Variants in SDK1 observed in about 807,000 individuals in gnomAD.
SDK1 encodes sidekick cell adhesion molecule 1, also known as protein sidekick-1.
SDK1 carries 157 observed loss-of-function variants against 245.5 expected under a neutral mutation model. That is an observed-to-expected ratio of 0.64 (90% CI 0.56 to 0.73). The LOEUF (loss-of-function observed/expected upper bound fraction) is 0.73. Among genes scored for constraint, SDK1 ranks in the 30% least tolerant of loss-of-function variants. The pLI is 0.00. For synonymous variants in SDK1, 1,647 were observed against 1,278.5 expected, an observed-to-expected ratio of 1.29 and a Z score of -6.15; for missense variants, 3,583 against 3,002.3, an observed-to-expected ratio of 1.19 and a Z score of -4.52.
intron 1 of SDK1, among the ~76,000 whole-genome samples, chr7:3,350,978 C>T (rs1780645423): frequency 6.6e-6 from 1 of 152,092 alleles, no homozygotes; most frequent in Non-Finnish European, 1.5e-5. Context: ...CATCTGGTTG[C>T]CCCAAGAATC....
At chr7:4,002,168 T>C (rs1785121321) in intron 14 of SDK1, among the ~76,000 whole-genome samples, 2 of 152,260 alleles carry the variant, frequency 1.3e-5, no homozygotes. Context: ...GCTTCTCTCT[T>C]AGTGCCCAGA....
At chr7:4,122,460 C>T (rs775612744) in intron 25 of SDK1, among the ~76,000 whole-genome samples, 12 of 152,154 alleles carry the variant, frequency 7.9e-5, no homozygotes, top group Non-Finnish European at 1.3e-4. Flanking sequence ...GAAATAGCAG[C>T]TCCTGGGAGC....
chr7:3,627,757 C>T (rs927102262), intron 2 of SDK1, among the ~76,000 whole-genome samples: 4 of 152,178 alleles, frequency 2.6e-5, no homozygotes, highest in African/African-American at 7.2e-5. Flanking sequence ...ATCTAAATGA[C>T]ACCCACAGTT....
intron 1 of SDK1, among the ~76,000 whole-genome samples, chr7:3,463,237 A>G (rs1483959001): frequency 6.6e-6 from 1 of 152,172 alleles, no homozygotes; most frequent in African/African-American, 2.4e-5. Context: ...GATTTGATTA[A>G]TATCTCAGTA....
chr7:3,586,116 G>A (rs553735015), intron 1 of SDK1, among the ~76,000 whole-genome samples: 32 of 151,794 alleles, frequency 2.1e-4, no homozygotes, highest in Admixed American at 5.2e-4. Context: ...GTGTAGAGTC[G>A]CTGGGGGAGA....
At chr7:3,812,944 T>G (rs1278868954) in intron 4 of SDK1, among the ~76,000 whole-genome samples, 1 of 152,180 alleles carries the variant, frequency 6.6e-6, no homozygotes, top group Non-Finnish European at 1.5e-5. Flanking sequence ...AATTCTTTCT[T>G]CTTTTGCTTT....
chr7:3,966,372 A>G (rs905758058), intron 9 of SDK1, among the ~76,000 whole-genome samples: 7 of 152,102 alleles, frequency 4.6e-5, no homozygotes, highest in African/African-American at 1.7e-4. Flanking sequence ...AGAAGACTTG[A>G]GAGACACAGA....
intron 1 of SDK1, among the ~76,000 whole-genome samples, chr7:3,430,001 A>G (rs1392318040): frequency 6.6e-6 from 1 of 152,234 alleles, no homozygotes; most frequent in Admixed American, 6.5e-5. Context: ...TATTTAAAAT[A>G]CATGCAGTCA....
chr7:3,483,367 A>G (rs1419087895), intron 1 of SDK1, among the ~76,000 whole-genome samples: 1 of 152,024 alleles, frequency 6.6e-6, no homozygotes, highest in Non-Finnish European at 1.5e-5. Context: ...TTCCTATTAA[A>G]TGCTTAAATT....
chr7:4,131,895 C>G (rs73671561), intron 27 of SDK1, among the ~76,000 whole-genome samples: 9,099 of 152,168 alleles, frequency 0.06, 747 homozygotes, highest in African/African-American at 0.18. Context: ...GGAGGAACTT[C>G]AGGCCGCCTC....
intron 1 of SDK1, among the ~76,000 whole-genome samples, chr7:3,490,583 C>T (rs1456143883): frequency 6.6e-6 from 1 of 152,198 alleles, no homozygotes; most frequent in Non-Finnish European, 1.5e-5. Flanking sequence ...GACTTCCCGC[C>T]ACTTCCATTT....
chr7:3,586,276 A>C (rs1780685761), intron 1 of SDK1, among the ~76,000 whole-genome samples: 1 of 152,006 alleles, frequency 6.6e-6, no homozygotes, highest in Non-Finnish European at 1.5e-5. Flanking sequence ...AGACCTCCGA[A>C]AGAGCCCGCC....
chr7:3,774,381 G>A (rs958940347), intron 4 of SDK1, among the ~76,000 whole-genome samples: 4 of 152,184 alleles, frequency 2.6e-5, no homozygotes, highest in African/African-American at 9.7e-5. Context: ...AAGAACAGAT[G>A]TCTTGTGTTT....
At chr7:3,650,430 C>G (rs1170130957) in intron 4 of SDK1, among the ~76,000 whole-genome samples, 1 of 152,160 alleles carries the variant, frequency 6.6e-6, no homozygotes, top group East Asian at 1.9e-4. Flanking sequence ...CTCTAATTAT[C>G]TTGTGTGAAT....
chr7:3,466,967 C>CCTCT (rs1554275623), intron 1 of SDK1, among the ~76,000 whole-genome samples: 2 of 136,352 alleles, frequency 1.5e-5, no homozygotes, highest in Non-Finnish European at 3.1e-5. Flanking sequence ...AAATCTCTCT[C>CCTCT]CTCTCTCTCT....
chr7:3,579,980 C>T lies in SDK1; in HGVS notation c.299-39100C>T, dbSNP rs555314329. On this transcript the variant is annotated intron_variant, in intron 1 of 44. Coordinates refer to ENST00000404826, the MANE Select transcript of SDK1 (RefSeq NM_152744.4). ...AAAATCGGTGTATGAAAATCATTAG[C>T]ATTCCTATACACCAACAACATCCAA... Among the ~76,000 whole-genome samples, 3 of 152,282 alleles carry T rather than the reference C, an allele frequency of 2.0e-5. No individual in the cohort carries two copies. In the South Asian group the frequency reaches 6.2e-4, roughly 32 times the overall value.
chr7:4,266,901 C>G lies in SDK1; in HGVS notation c.*1517C>G. ...GCACGGCAAACGGGCAGGTGCCGTT[C>G]CCCCAGTGACCTGAGGGTAGGGGAC... On this transcript the variant is annotated 3_prime_UTR_variant, in exon 45 of 45. Coordinates refer to ENST00000404826, the MANE Select transcript of SDK1 (RefSeq NM_152744.4). The G allele has an allele frequency of 1.0e-6, 1 of 985,486 alleles. No individual in the cohort carries two copies. Among genetic ancestry groups the G allele is most frequent in the Non-Finnish European group, 1.2e-6 (1 of 829,972 alleles). The allele number at this position is 985,486 out of a possible 1,614,324, so 61.0% of individuals were successfully genotyped here.
chr7:3,903,602 C>G (rs867018836), intron 5 of SDK1, among the ~76,000 whole-genome samples: 1 of 152,146 alleles, frequency 6.6e-6, no homozygotes, highest in Non-Finnish European at 1.5e-5. Flanking sequence ...ACTATATGAC[C>G]TAGCAATACC....
intron 5 of SDK1, among the ~76,000 whole-genome samples, chr7:3,842,003 C>T (rs921563026): frequency 1.3e-5 from 2 of 152,236 alleles, no homozygotes; most frequent in African/African-American, 2.4e-5. Flanking sequence ...CACCTCTCCT[C>T]CACCTCCATG....
Sources: gnomAD v4.1 joint callset for allele counts (sites outside exome capture counted in the v4.1 genomes callset) on GRCh38, gnomAD v4.1.1 for gene constraint, MANE v1.5 for transcripts, NCBI Gene and HGNC (gene_info 2026-07-23, HGNC 2026-07-21) for gene names.